Variants in GOLGA7B observed in about 807,000 individuals in gnomAD.
GOLGA7B encodes the protein golgin subfamily A member 7B.
A neutral mutation model predicts 21.5 loss-of-function variants in GOLGA7B; 17 were observed. The ratio of observed to expected loss-of-function variants is 0.79; its 90% CI spans 0.54 to 1.19. The LOEUF (loss-of-function observed/expected upper bound fraction) is 1.19. Among genes scored for constraint, GOLGA7B ranks in the 50% most tolerant of loss-of-function variants. The pLI is 0.00. For synonymous variants in GOLGA7B, 87 were observed against 84.0 expected, an observed-to-expected ratio of 1.04 and a Z score of -0.19; for missense variants, 169 against 224.4, an observed-to-expected ratio of 0.75 and a Z score of 1.58.
intron 2 of GOLGA7B, 81 bp downstream of exon 2, chr10:97,859,664 T>C: frequency 1.4e-6 from 2 of 1,457,832 alleles, no homozygotes; most frequent in Non-Finnish European, 1.9e-6. Context: ...TTATCCAGGA[T>C]CCTATGACAC....
chr10:97,850,396 G>T, intron 1 of GOLGA7B, 81 bp downstream of exon 1: 1 of 1,288,506 alleles, frequency 7.8e-7, no homozygotes. Context: ...GGCAGGAGTG[G>T]GAGGCGGGAG....
chr10:97,863,004 A>G (rs893974654), intron 2 of GOLGA7B, among the ~76,000 whole-genome samples: 1 of 152,206 alleles, frequency 6.6e-6, no homozygotes, highest in Non-Finnish European at 1.5e-5. Context: ...GGGTCGGGCC[A>G]TGGAGGGCCT....
intron 1 of GOLGA7B, among the ~76,000 whole-genome samples, chr10:97,851,248 G>A (rs2049904134): frequency 1.3e-5 from 2 of 152,186 alleles, no homozygotes; most frequent in African/African-American, 4.8e-5. Flanking sequence ...CAGTTCTGAT[G>A]TTGACTTCCT....
At position 97,865,593 on chromosome 10, in the gene GOLGA7B, G is replaced by A. The variant is rs2050010970; in HGVS notation, c.397G>A (p.Glu133Lys). 1 of 1,613,294 alleles carries A rather than the reference G, an allele frequency of 6.2e-7. No individual in the cohort carries two copies. Among genetic ancestry groups the A allele is most frequent in the Non-Finnish European group, 8.5e-7 (1 of 1,179,360 alleles). Residue 133 changes from glutamate (E) to lysine (K), a missense_variant, in exon 5 of 5, where the codon GAG (glutamate) becomes AAG (lysine). Glu to Lys is a moderately conservative substitution (Grantham distance 56, BLOSUM62 1). Coordinates refer to ENST00000370602, the MANE Select transcript of GOLGA7B (RefSeq NM_001010917.3). ...TCTCCTTAACCACCGACCCCAGATT[G>A]AGATCTCCATCTACGAGGACCGGTG... ...DPVERGMRVI[E>K]ISIYEDRCSS... is the part of the protein sequence containing the mutation.
chr10:97,854,772 T>G (rs2049924780), intron 1 of GOLGA7B, among the ~76,000 whole-genome samples: 1 of 152,298 alleles, frequency 6.6e-6, no homozygotes, highest in Middle Eastern at 3.4e-3. Flanking sequence ...CTTAATGTAT[T>G]AATAGCTTAA....
Position 97,863,915 on chromosome 10 carries a change from T to C in GOLGA7B, c.139-15T>C. On this transcript the variant is annotated splice_polypyrimidine_tract_variant and intron_variant, in intron 2 of 4. Coordinates refer to ENST00000370602, the MANE Select transcript of GOLGA7B (RefSeq NM_001010917.3). ...AGGGAGGCTAACCGCAGCCTGGCTC[T>C]GTCCCTTTCTCCAGATCGAGCGGCA... The C allele has an allele frequency of 4.4e-6, 7 of 1,605,664 alleles. No individual in the cohort carries two copies. In the South Asian group the frequency reaches 5.6e-5, roughly 13 times the overall value.
chr10:97,853,635 G>A (rs1184528316), intron 1 of GOLGA7B, among the ~76,000 whole-genome samples: 2 of 152,192 alleles, frequency 1.3e-5, no homozygotes, highest in East Asian at 1.9e-4. Context: ...GGGAGAGAGG[G>A]GCAGGGTTGA....
At chr10:97,861,620 C>G (rs2049971672) in intron 2 of GOLGA7B, among the ~76,000 whole-genome samples, 2 of 152,198 alleles carry the variant, frequency 1.3e-5, no homozygotes, top group Non-Finnish European at 2.9e-5. Context: ...CAGCTTTCAT[C>G]CTAGGCTGCC....
chr10:97,860,941 T>C (rs1375697506), intron 2 of GOLGA7B, among the ~76,000 whole-genome samples: 5 of 152,168 alleles, frequency 3.3e-5, no homozygotes, highest in Non-Finnish European at 5.9e-5. Flanking sequence ...GGGGGAGACT[T>C]GGGCATCATA....
Position 97,870,326 on chromosome 10 carries a change from T to C in GOLGA7B, c.*4626T>C, listed in dbSNP as rs2050078578. 1 of 152,164 alleles carries C rather than the reference T, an allele frequency of 6.6e-6. No individual in the cohort carries two copies. The highest frequency in any genetic ancestry group is 2.4e-5 in the African/African-American group (1 of 41,424). The allele number at this position is 152,164 out of a possible 1,614,324, so 9.4% of individuals were successfully genotyped here. On this transcript the variant is annotated 3_prime_UTR_variant, in exon 5 of 5. Coordinates refer to ENST00000370602, the MANE Select transcript of GOLGA7B (RefSeq NM_001010917.3). ...TGAGACCTGAATAAGAAGTTTATGG[T>C]TCCACAGAAGCAGCCAGACACAAAA...
At position 97,871,300 on chromosome 10, in the gene GOLGA7B, G is replaced by C. The variant is rs1213435218; in HGVS notation, c.*5600G>C. On this transcript the variant is annotated 3_prime_UTR_variant, in exon 5 of 5. Transcript: ENST00000370602. ...TGGAGGAAGTGGGAAACTGTGAAGA[G>C]AGTCAGAGGGCTGTGCCAGCTGCCC... is the stretch of plus-strand genomic sequence containing the variant. 1 of 152,218 alleles carries C rather than the reference G, an allele frequency of 6.6e-6. No individual in the cohort carries two copies. Among genetic ancestry groups the C allele is most frequent in the Non-Finnish European group, 1.5e-5 (1 of 68,046 alleles). 9.4% of individuals were successfully genotyped at this position (152,218 alleles called of 1,614,324 possible). A position where few individuals can be genotyped will look rare whatever the true frequency, so the allele number is the denominator to read the frequency against.
chr10:97,851,079 G>A (rs1590157456), intron 1 of GOLGA7B, among the ~76,000 whole-genome samples: 1 of 152,252 alleles, frequency 6.6e-6, no homozygotes, highest in East Asian at 1.9e-4. Flanking sequence ...CATTTCAGGA[G>A]GGAGATTGGG....
At chr10:97,856,111 C>T (rs2049933664) in intron 1 of GOLGA7B, among the ~76,000 whole-genome samples, 1 of 152,088 alleles carries the variant, frequency 6.6e-6, no homozygotes, top group African/African-American at 2.4e-5. Flanking sequence ...TCAGGGAGTA[C>T]ATGTGCATGT....
Position 97,871,418 on chromosome 10 carries a change from C to T in GOLGA7B, c.*5718C>T, listed in dbSNP as rs957074811. The T allele has an allele frequency of 6.6e-6, 1 of 152,134 alleles. No homozygotes were observed. The highest frequency in any genetic ancestry group is 2.4e-5 in the African/African-American group (1 of 41,408). 9.4% of individuals were successfully genotyped at this position (152,134 alleles called of 1,614,324 possible). A position where few individuals can be genotyped will look rare whatever the true frequency, so the allele number is the denominator to read the frequency against. ...TATTTATAAATAATCATCTGTTTCT[C>T]CAATGTAAGATATTGTTATTGCAGA... On this transcript the variant is annotated 3_prime_UTR_variant, in exon 5 of 5. Coordinates refer to ENST00000370602, the MANE Select transcript of GOLGA7B (RefSeq NM_001010917.3).
chr10:97,862,876 G>C (rs2049979608), intron 2 of GOLGA7B, among the ~76,000 whole-genome samples: 1 of 152,150 alleles, frequency 6.6e-6, no homozygotes, highest in Middle Eastern at 3.2e-3. Flanking sequence ...AGGGTGTCAC[G>C]GCAGCCTGCA....
chr10:97,855,388 G>A (rs1301820602), intron 1 of GOLGA7B, among the ~76,000 whole-genome samples: 1 of 152,174 alleles, frequency 6.6e-6, no homozygotes, highest in Non-Finnish European at 1.5e-5. Context: ...ATACTACAAG[G>A]CTATAGTAAC....
intron 1 of GOLGA7B, among the ~76,000 whole-genome samples, chr10:97,851,523 C>T (rs1457788035): frequency 6.6e-6 from 1 of 152,176 alleles, no homozygotes; most frequent in South Asian, 2.1e-4. Context: ...CTGGGCAGAC[C>T]CTGGGAGCTT....
At chr10:97,864,374 G>T in intron 4 of GOLGA7B, 105 bp downstream of exon 4, 1 of 834,400 alleles carries the variant, frequency 1.2e-6, no homozygotes, top group East Asian at 2.7e-5. Context: ...CTCCACTCAG[G>T]TTTTCCCAGG....
intron 1 of GOLGA7B, among the ~76,000 whole-genome samples, chr10:97,852,445 G>C (rs2049910502): frequency 1.3e-5 from 2 of 152,126 alleles, no homozygotes; most frequent in South Asian, 4.1e-4. Context: ...ATTTGGCCTT[G>C]GGTGGACTCT....
Sources: allele counts gnomAD v4.1 joint callset (sites outside exome capture counted in the v4.1 genomes callset), GRCh38; gene constraint gnomAD v4.1.1; transcripts MANE v1.5; gene names NCBI Gene and HGNC (gene_info 2026-07-23, HGNC 2026-07-21).